The following OSTM1 variants were observed in gnomAD, a reference collection of about 807,000 sequenced individuals.
The protein encoded by OSTM1 is osteopetrosis-associated transmembrane protein 1.
In OSTM1, 26 loss-of-function variants were observed where a neutral mutation model predicts 35.4. The ratio of observed to expected loss-of-function variants is 0.73; its 90% CI spans 0.54 to 1.02. OSTM1 has a LOEUF of 1.02. Among genes scored for constraint, OSTM1 ranks in the 50% least tolerant of loss-of-function variants. OSTM1 has a pLI of 0.00. For missense variants in OSTM1, 366 were observed against 409.6 expected (o/e 0.89, Z 0.92); for synonymous variants, 181 against 165.0 (o/e 1.10, Z -0.75).
chr6:108,063,225 C>T (rs969377715), intron 2 of OSTM1, among the ~76,000 whole-genome samples: 10 of 152,132 alleles, frequency 6.6e-5, no homozygotes, highest in African/African-American at 2.4e-4. Context: ...TCACTATGTT[C>T]CCCAGGCTGG....
At chr6:108,058,805 G>T (rs2114601148) in intron 2 of OSTM1, among the ~76,000 whole-genome samples, 1 of 152,104 alleles carries the variant, frequency 6.6e-6, no homozygotes, top group African/African-American at 2.4e-5. Context: ...TTGGTTAATT[G>T]ACCTTCTGGT....
At chr6:108,045,135 C>T (rs1333412851) in intron 5 of OSTM1, among the ~76,000 whole-genome samples, 1 of 152,054 alleles carries the variant, frequency 6.6e-6, no homozygotes, top group Non-Finnish European at 1.5e-5. Context: ...AATAAATGTA[C>T]TTAGACAATG....
Position 108,044,639 on chromosome 6 carries a change from G to A in OSTM1, c.*146C>T, listed in dbSNP as rs557199552. ...AGAAGTGGAAAAGGAAAGAAAAATC[G>A]AAAATTCTTATTTAAAAATGGATCT... On this transcript the variant is annotated 3_prime_UTR_variant, in exon 6 of 6. Transcript: ENST00000193322. 175 of 513,068 alleles carry A rather than the reference G, an allele frequency of 3.4e-4. No individual in the cohort carries two copies. Among genetic ancestry groups the A allele is most frequent in the African/African-American group, 2.8e-3 (145 of 51,442 alleles). 31.8% of individuals were successfully genotyped at this position (513,068 alleles called of 1,614,324 possible). A position where few individuals can be genotyped will look rare whatever the true frequency, so the allele number is the denominator to read the frequency against.
At chr6:108,054,354 G>C (rs973000196) in intron 3 of OSTM1, 136 bp downstream of exon 3, 5 of 447,776 alleles carry the variant, frequency 1.1e-5, no homozygotes, top group Non-Finnish European at 1.6e-5. Flanking sequence ...CTTAAGAGCA[G>C]AAATCCAGGT....
chr6:108,048,155 T>A lies in OSTM1; in HGVS notation c.949+1098A>T, dbSNP rs181855748. 1.9e-3 allele frequency among the ~76,000 whole-genome samples: 289 copies of A among 152,266 alleles called. 3 individuals carry two copies. Among genetic ancestry groups the A allele is most frequent in the African/African-American group, 6.5e-3 (270 of 41,560 alleles). On this transcript the variant is annotated intron_variant, in intron 5 of 5. Coordinates refer to ENST00000193322, the MANE Select transcript of OSTM1 (RefSeq NM_014028.4). The stretch of plus-strand genomic sequence containing the variant: ...AACTGATCTACAGGTAACCTTTTTT[T>A]AAAAAAATTAGATATATTAGAAGTG...
Position 108,044,503 on chromosome 6 carries a change from TATAAA to T in OSTM1, c.*277_*281del, listed in dbSNP as rs551825795. ...AAGTCTAGAATAGTAATCAAATGCC[TATAAA>T]ATAAAATAATGATTGTTCTTGCATG... On this transcript the variant is annotated 3_prime_UTR_variant, in exon 6 of 6. Coordinates refer to ENST00000193322, the MANE Select transcript of OSTM1 (RefSeq NM_014028.4). The T allele has an allele frequency of 7.8e-5, 19 of 243,612 alleles. No homozygotes were observed. The South Asian group carries it at 1.9e-3, about 24-fold the overall frequency. The allele number at this position is 243,612 out of a possible 1,614,324, so 15.1% of individuals were successfully genotyped here.
At chr6:108,070,070 C>T (rs1772454131) in intron 1 of OSTM1, among the ~76,000 whole-genome samples, 1 of 151,866 alleles carries the variant, frequency 6.6e-6, no homozygotes, top group South Asian at 2.1e-4. Context: ...TGGAGTCTTG[C>T]TCTGTCACCC....
chr6:108,043,494 A>T lies in OSTM1; in HGVS notation c.*1291T>A, dbSNP rs926312576. The T allele has an allele frequency of 1.3e-5, 2 of 152,240 alleles. No individual in the cohort carries two copies. The highest frequency in any genetic ancestry group is 2.9e-5 in the Non-Finnish European group (2 of 68,038). 9.4% of individuals were successfully genotyped at this position (152,240 alleles called of 1,614,324 possible). Reference sequence around the variant, plus strand: ...TCTTTTTAACAAAATTCTTGTTTCTATATAGAGGAGATTTTATATTCTTAA... The same window carrying T: ...TCTTTTTAACAAAATTCTTGTTTCTTTATAGAGGAGATTTTATATTCTTAA... On this transcript the variant is annotated 3_prime_UTR_variant, in exon 6 of 6. Coordinates refer to ENST00000193322, the MANE Select transcript of OSTM1 (RefSeq NM_014028.4).
At chr6:108,062,199 G>A (rs1346746249) in intron 2 of OSTM1, among the ~76,000 whole-genome samples, 2 of 152,014 alleles carry the variant, frequency 1.3e-5, no homozygotes, top group Admixed American at 6.6e-5. Context: ...TAAACTAAGG[G>A]TTACCTGAAC....
At chr6:108,067,973 C>G (rs1433905878) in intron 1 of OSTM1, among the ~76,000 whole-genome samples, 2 of 152,100 alleles carry the variant, frequency 1.3e-5, no homozygotes, top group Non-Finnish European at 2.9e-5. Context: ...CTTCCCATGT[C>G]CTCATCTTCC....
At chr6:108,065,972 CTA>C (rs3039716) in intron 1 of OSTM1, among the ~76,000 whole-genome samples, 41,749 of 151,794 alleles carry the variant, frequency 0.28, 6,114 homozygotes, top group Admixed American at 0.45. Flanking sequence ...GAACTAAGCC[CTA>C]TATTGAGGAA....
chr6:108,051,152 C>T lies in OSTM1; in HGVS notation c.662G>A (p.Cys221Tyr). 1 of 1,613,504 alleles carries T rather than the reference C, an allele frequency of 6.2e-7. No individual in the cohort carries two copies. The highest frequency in any genetic ancestry group is 8.5e-7 in the Non-Finnish European group (1 of 1,179,598). ...TTTGTATGCTTCACGGCAGTTTTTG[C>T]ATACTTCTGAATAATTTTTTGTCTG... The part of the protein sequence containing the change: ...LLQTKNYSEV[C>Y]KNCREAYKTL... Residue 221 changes from cysteine (C) to tyrosine (Y), a missense_variant, in exon 4 of 6, where the codon TGC becomes TAC. Physicochemically the swap from Cys to Tyr is radical, Grantham distance 194. Coordinates refer to ENST00000193322, the MANE Select transcript of OSTM1 (RefSeq NM_014028.4).
chr6:108,065,801 T>C (rs1328512352), intron 1 of OSTM1, among the ~76,000 whole-genome samples: 1 of 152,130 alleles, frequency 6.6e-6, no homozygotes, highest in East Asian at 1.9e-4. Flanking sequence ...TAAGTGTCAT[T>C]AGTTGGTTAA....
chr6:108,073,046 G>A (rs1772514519), intron 1 of OSTM1, among the ~76,000 whole-genome samples: 1 of 152,184 alleles, frequency 6.6e-6, no homozygotes, highest in African/African-American at 2.4e-5. Flanking sequence ...CTGACCTCAG[G>A]TGATCCCCCT....
In OSTM1 at chr6:108,051,191, G is replaced by C; in HGVS notation, c.623C>G (p.Ala208Gly). ...ATTTTTTGTCTGTAAAAGACTATGT[G>C]CATTCCCCTAAAATGACAAAGGCAC... ...TCFEHNLQGNAHSLLQTKNYS... is the reference protein window; with the variant it reads ...TCFEHNLQGNGHSLLQTKNYS... The change falls in exon 4 of 6, where the codon GCA becomes GGA. Residue 208 changes from alanine (A) to glycine (G), a missense_variant. Ala to Gly is a moderately conservative substitution (Grantham distance 60). Around this residue, in one of 3 missense-constraint regions of OSTM1, gnomAD observed 125 missense variants for 151.7 expected, o/e 0.82. Coordinates refer to ENST00000193322, the MANE Select transcript of OSTM1 (RefSeq NM_014028.4). The C allele has an allele frequency of 6.2e-7, 1 of 1,609,648 alleles. No individual in the cohort carries two copies.
intron 2 of OSTM1, among the ~76,000 whole-genome samples, chr6:108,059,312 A>G (rs1772232860): frequency 2.0e-5 from 3 of 152,208 alleles, no homozygotes; most frequent in South Asian, 4.1e-4. Flanking sequence ...GCTAGTTTCC[A>G]TGTTATTTGT....
At position 108,044,737 on chromosome 6, in the gene OSTM1, C is replaced by A; in HGVS notation, c.*48G>T. The stretch of plus-strand genomic sequence containing the variant: ...TCTTCTTTCTGAAACCAAGTTGTGT[C>A]TTCCACCATTCATTCACGTGATATG... On this transcript the variant is annotated 3_prime_UTR_variant, in exon 6 of 6. Transcript: ENST00000193322. The A allele has an allele frequency of 1.9e-6, 2 of 1,052,562 alleles. No homozygotes were observed. The highest frequency in any genetic ancestry group is 2.7e-5 in the South Asian group (2 of 72,888). 65.2% of individuals were successfully genotyped at this position (1,052,562 alleles called of 1,614,324 possible).
chr6:108,074,738 G>A lies in OSTM1; in HGVS notation c.-87C>T, dbSNP rs1405627823. The A allele has an allele frequency of 1.0e-5, 14 of 1,374,796 alleles. No individual in the cohort carries two copies. The East Asian group carries it at 4.1e-4, about 40-fold the overall frequency. The allele number at this position is 1,374,796 out of a possible 1,614,324, so 85.2% of individuals were successfully genotyped here. A position where few individuals can be genotyped will look rare whatever the true frequency, so the allele number is the denominator to read the frequency against. ...GACAGCCGCCGCTTCCGGTTTCCGC[G>A]AGCGCAGGCCGAGAGCCGGGTCACG... On this transcript the variant is annotated 5_prime_UTR_variant, in exon 1 of 6. Transcript: ENST00000193322.
intron 3 of OSTM1, among the ~76,000 whole-genome samples, chr6:108,054,043 T>C (rs1199970952): frequency 3.3e-5 from 5 of 152,238 alleles, no homozygotes; most frequent in African/African-American, 1.2e-4. Context: ...CATAATTCAA[T>C]ACTCAAAGTT....
Sources: gnomAD v4.1 joint callset for allele counts (sites outside exome capture counted in the v4.1 genomes callset) on GRCh38, gnomAD v4.1.1 for gene constraint, gnomAD v4.1.1 regional missense constraint, MANE v1.5 for transcripts, NCBI Gene and HGNC (gene_info 2026-07-23, HGNC 2026-07-21) for gene names.